The following GLI3 variants were observed in gnomAD, a reference collection of about 807,000 sequenced individuals.
The protein encoded by GLI3 is GLI family zinc finger 3.
In GLI3, 20 loss-of-function variants were observed where a neutral mutation model predicts 100.8. That is an observed-to-expected ratio of 0.20 (90% CI 0.14 to 0.29). The LOEUF (loss-of-function observed/expected upper bound fraction) is 0.29. Ranked by LOEUF, GLI3 falls within the 10% of genes least tolerant of loss-of-function variation. The pLI is 1.00. For missense variants in GLI3, 2,040 were observed against 2,128.5 expected (o/e 0.96, Z 0.82); for synonymous variants, 938 against 860.5 (o/e 1.09, Z -1.58).
intron 10 of GLI3, among the ~76,000 whole-genome samples, chr7:41,987,560 T>C (rs1452880232): frequency 1.3e-5 from 2 of 152,252 alleles, no homozygotes; most frequent in African/African-American, 4.8e-5. Flanking sequence ...ACGACTTCTC[T>C]GTATTCCTCT....
intron 10 of GLI3, among the ~76,000 whole-genome samples, chr7:42,000,970 G>C (rs1393083273): frequency 6.6e-6 from 1 of 152,176 alleles, no homozygotes; most frequent in Non-Finnish European, 1.5e-5. Flanking sequence ...AGGAGGGCCG[G>C]GAGCGGTGGC....
chr7:42,145,466 C>T (rs1786679433), intron 3 of GLI3: 1 of 398,276 alleles, frequency 2.5e-6, no homozygotes, highest in South Asian at 1.3e-4. Flanking sequence ...AGTCGATCTA[C>T]TGAGGTTGAC....
chr7:41,987,769 T>G (rs1163035573), intron 10 of GLI3, among the ~76,000 whole-genome samples: 1 of 152,224 alleles, frequency 6.6e-6, no homozygotes, highest in African/African-American at 2.4e-5. Context: ...CTTGAAAAAT[T>G]GACGCACTGT....
At chr7:42,062,423 G>A (rs1212713629) in intron 4 of GLI3, among the ~76,000 whole-genome samples, 1 of 152,126 alleles carries the variant, frequency 6.6e-6, no homozygotes, top group African/African-American at 2.4e-5. Context: ...CTGGGCCACT[G>A]TGGTCTTCAA....
intron 1 of GLI3, among the ~76,000 whole-genome samples, chr7:42,248,406 T>C (rs1408082881): frequency 1.3e-5 from 2 of 152,228 alleles, no homozygotes; most frequent in Non-Finnish European, 2.9e-5. Flanking sequence ...TCACTTAACA[T>C]TTTAAAATTA....
intron 10 of GLI3, among the ~76,000 whole-genome samples, chr7:41,982,773 A>G (rs1012500241): frequency 2.6e-5 from 4 of 152,134 alleles, no homozygotes; most frequent in Admixed American, 6.5e-5. Context: ...CCTATATCAC[A>G]GTAGGCAGAG....
At chr7:42,087,318 G>C (rs1337988783) in intron 3 of GLI3, among the ~76,000 whole-genome samples, 2 of 152,146 alleles carry the variant, frequency 1.3e-5, no homozygotes, top group Non-Finnish European at 1.5e-5. Flanking sequence ...CCCATGTTCA[G>C]AGTGAGCCCA....
intron 2 of GLI3, among the ~76,000 whole-genome samples, chr7:42,182,660 A>ATATATATATATATGTGTG (rs1554337057): frequency 3.4e-5 from 2 of 59,138 alleles, no homozygotes; most frequent in African/African-American, 9.7e-5. Flanking sequence ...ATATATATAT[A>ATATATATATATATGTGTG]TATATATATA....
At chr7:42,136,061 G>C (rs1786421458) in intron 3 of GLI3, among the ~76,000 whole-genome samples, 1 of 152,206 alleles carries the variant, frequency 6.6e-6, no homozygotes, top group Non-Finnish European at 1.5e-5. Context: ...GGCTGGTAGA[G>C]CTGGTCCCCA....
intron 3 of GLI3, among the ~76,000 whole-genome samples, chr7:42,114,510 G>A (rs1206877696): frequency 1.3e-5 from 2 of 152,066 alleles, no homozygotes; most frequent in Non-Finnish European, 2.9e-5. Flanking sequence ...TTGGTTATTA[G>A]GGTAAAGAGG....
chr7:42,191,599 G>A (rs944689262), intron 2 of GLI3, among the ~76,000 whole-genome samples: 4 of 151,360 alleles, frequency 2.6e-5, no homozygotes, highest in Admixed American at 6.6e-5. Context: ...TTGCGGTGCC[G>A]AGATCACACC....
At chr7:42,015,001 A>G (rs1375207291) in intron 10 of GLI3, among the ~76,000 whole-genome samples, 2 of 152,226 alleles carry the variant, frequency 1.3e-5, no homozygotes, top group Admixed American at 6.5e-5. Flanking sequence ...ACTACTTGCT[A>G]TGGATTTTTC....
Position 41,965,489 on chromosome 7 carries a change from T to C in GLI3, c.3584A>G (p.Asn1195Ser). Residue 1195 changes from asparagine (N) to serine (S), a missense_variant, in exon 15 of 15, where the codon AAC (asparagine) becomes AGC (serine). By Grantham distance (46) the Asn-to-Ser change is conservative. This residue lies in a region of GLI3 where 1,041 missense variants were observed against 924.0 expected (regional missense o/e 1.13). Transcript: ENST00000395925. ...GTTCTGCGGGTGGACGACCATGCCGTTGCAGAACCCAAAGGCGCGAGTCTG... is the reference window on the plus strand; with the variant it reads ...GTTCTGCGGGTGGACGACCATGCCGCTGCAGAACCCAAAGGCGCGAGTCTG... ...VPQTRAFGFC[N>S]GMVVHPQNPL... 1 of 1,609,232 alleles carries C rather than the reference T, an allele frequency of 6.2e-7. No homozygotes were observed. Among genetic ancestry groups the C allele is most frequent in the African/African-American group, 1.3e-5 (1 of 74,956 alleles).
intron 2 of GLI3, among the ~76,000 whole-genome samples, chr7:42,222,138 T>G (rs1423053574): frequency 6.6e-6 from 1 of 152,212 alleles, no homozygotes; most frequent in Non-Finnish European, 1.5e-5. Flanking sequence ...TCTAATGTTC[T>G]GGACTGCAGT....
chr7:42,163,135 T>C (rs1334027698), intron 2 of GLI3, among the ~76,000 whole-genome samples: 1 of 152,078 alleles, frequency 6.6e-6, no homozygotes, highest in Non-Finnish European at 1.5e-5. Context: ...CAGGTCACAG[T>C]CTTCCTTGCC....
intron 3 of GLI3, among the ~76,000 whole-genome samples, chr7:42,116,087 A>T (rs1785847439): frequency 6.6e-6 from 1 of 152,110 alleles, no homozygotes; most frequent in Non-Finnish European, 1.5e-5. Context: ...AAACACCAAC[A>T]AACCCTTTTC....
At chr7:42,204,977 G>A (rs1788120283) in intron 2 of GLI3, among the ~76,000 whole-genome samples, 1 of 152,120 alleles carries the variant, frequency 6.6e-6, no homozygotes, top group Non-Finnish European at 1.5e-5. Flanking sequence ...TTTAAAATTT[G>A]GAGAATAAAC....
At chr7:42,026,967 T>G (rs1222191739) in intron 7 of GLI3, among the ~76,000 whole-genome samples, 1 of 152,220 alleles carries the variant, frequency 6.6e-6, no homozygotes, top group Non-Finnish European at 1.5e-5. Context: ...ATCAGTGCCG[T>G]CTGGTTACAG....
intron 10 of GLI3, among the ~76,000 whole-genome samples, chr7:42,016,668 A>G (rs545879781): frequency 9.9e-5 from 15 of 152,284 alleles, no homozygotes; most frequent in African/African-American, 3.1e-4. Context: ...CCTTCAAATC[A>G]GGTGCTAATT....
Sources: allele counts gnomAD v4.1 joint callset (sites outside exome capture counted in the v4.1 genomes callset), GRCh38; gene constraint gnomAD v4.1.1; regional missense constraint gnomAD v4.1.1; transcripts MANE v1.5; gene names NCBI Gene and HGNC (gene_info 2026-07-23, HGNC 2026-07-21).